XRCC5: variants seen among roughly 807,000 people sequenced by gnomAD.
The protein encoded by XRCC5 is DNA repair protein Ku80.
Under a neutral mutation model 95.7 loss-of-function variants are expected in XRCC5, and 12 were observed. The observed-to-expected ratio is 0.13, with a 90% CI of 0.08 to 0.20. The LOEUF is 0.20. XRCC5 is among the 10% of genes least tolerant of loss of function. The pLI is 1.00. For synonymous variants in XRCC5, 281 were observed against 290.3 expected, an observed-to-expected ratio of 0.97 and a Z score of 0.33; for missense variants, 595 against 873.9, an observed-to-expected ratio of 0.68 and a Z score of 4.02.
intron 13 of XRCC5, among the ~76,000 whole-genome samples, chr2:216,143,387 A>G (rs1325394882): frequency 2.6e-5 from 4 of 152,244 alleles, no homozygotes; most frequent in Admixed American, 2.6e-4. Flanking sequence ...AAGCTTACCA[A>G]AATGGTTCAC....
chr2:216,170,061 A>G (rs1228084629), intron 16 of XRCC5, among the ~76,000 whole-genome samples: 2 of 144,944 alleles, frequency 1.4e-5, no homozygotes, highest in South Asian at 2.1e-4. Flanking sequence ...AAAAAAAAAA[A>G]AAAAAAAAAG....
chr2:216,152,302 G>A (rs2007707), intron 14 of XRCC5, among the ~76,000 whole-genome samples: 8,536 of 152,170 alleles, frequency 0.056, 835 homozygotes, highest in East Asian at 0.43. Flanking sequence ...TTGGTTGGCT[G>A]TGGTGGCACA....
chr2:216,121,033 GCA>G (rs552726111), intron 5 of XRCC5, among the ~76,000 whole-genome samples: 2 of 152,212 alleles, frequency 1.3e-5, no homozygotes, highest in South Asian at 2.1e-4. Context: ...ACTGTGCCTG[GCA>G]CAGTTTTTAG....
In XRCC5 at chr2:216,195,382, T is replaced by TTTCTTTTCTTTTCTTTTC. The variant is rs1553580654; in HGVS notation, c.2109+405_2109+406insTTTCTTTTCTTCTTTTCT. On this transcript the variant is annotated intron_variant, in intron 19 of 20. Transcript: ENST00000392132. ...TTTCTTTTCTTTTCTTTTCTTTTCT[T>TTTCTTTTCTTTTCTTTTC]TTCTTTTCTCTTTCTTTTCTCTCTC... Among the ~76,000 whole-genome samples the TTTCTTTTCTTTTCTTTTC allele has an allele frequency of 4.5e-5, 6 of 133,264 alleles. No individual in the cohort carries two copies. In the South Asian group the frequency reaches 1.3e-3, roughly 30 times the overall value. The allele number at this position is 133,264 out of a possible 152,430, so 87.4% of individuals were successfully genotyped here. A position where few individuals can be genotyped will look rare whatever the true frequency, so the allele number is the denominator to read the frequency against.
intron 1 of XRCC5, chr2:216,111,562 T>C (rs1386165162): frequency 4.3e-5 from 12 of 282,218 alleles, no homozygotes; most frequent in Admixed American, 1.4e-4. Context: ...AAAACTGTTA[T>C]GTTCCCTTTA....
In XRCC5 at chr2:216,127,867, A is replaced by T. The variant is rs1451663660; in HGVS notation, c.937+193A>T. The T allele has an allele frequency of 1.9e-5, 8 of 420,008 alleles. No homozygotes were observed. In the Admixed American group the frequency reaches 3.5e-4, roughly 18 times the overall value. The allele number at this position is 420,008 out of a possible 1,614,324, so 26.0% of individuals were successfully genotyped here. On this transcript the variant is annotated intron_variant, in intron 8 of 20. Transcript: ENST00000392132. Reference sequence around the variant, plus strand: ...GGTCTTAGGCAGGTTGCTTCTCAGGAGTACACTTGGGTGTTCCATCTCTGT... The same window carrying T: ...GGTCTTAGGCAGGTTGCTTCTCAGGTGTACACTTGGGTGTTCCATCTCTGT...
Sources: allele counts gnomAD v4.1 joint callset (sites outside exome capture counted in the v4.1 genomes callset), GRCh38; gene constraint gnomAD v4.1.1; transcripts MANE v1.5; gene names NCBI Gene and HGNC (gene_info 2026-07-23, HGNC 2026-07-21).